Variants in DNER observed in about 807,000 individuals in gnomAD.
DNER encodes delta/notch like EGF repeat containing, also known as delta and Notch-like epidermal growth factor-related receptor.
DNER carries 33 observed loss-of-function variants against 78.2 expected under a neutral mutation model. The ratio of observed to expected loss-of-function variants is 0.42; its 90% CI spans 0.32 to 0.56. The LOEUF (loss-of-function observed/expected upper bound fraction) is 0.56. Among genes scored for constraint, DNER ranks in the 20% least tolerant of loss-of-function variants. The probability of loss-of-function intolerance (pLI) is 0.11; values close to 1 mark genes in which losing one functional copy is unlikely to be tolerated. For synonymous variants in DNER, 417 were observed against 384.8 expected, an observed-to-expected ratio of 1.08 and a Z score of -0.98; for missense variants, 918 against 975.3, an observed-to-expected ratio of 0.94 and a Z score of 0.78.
At chr2:229,433,227 C>G (rs1694052903) in intron 8 of DNER, among the ~76,000 whole-genome samples, 2 of 152,166 alleles carry the variant, frequency 1.3e-5, no homozygotes, top group South Asian at 4.1e-4. Context: ...CGTGAGCCAC[C>G]GTGCCCAGCC....
chr2:229,398,546 T>A (rs1418574726), intron 10 of DNER, among the ~76,000 whole-genome samples: 1 of 152,004 alleles, frequency 6.6e-6, no homozygotes, highest in Non-Finnish European at 1.5e-5. Flanking sequence ...ACATAATAAC[T>A]TTTTTAAAAA....
chr2:229,409,960 A>C (rs1170324081), intron 9 of DNER, among the ~76,000 whole-genome samples: 1 of 152,178 alleles, frequency 6.6e-6, no homozygotes, highest in Non-Finnish European at 1.5e-5. Flanking sequence ...AATCATGGAC[A>C]CTACTGATGT....
chr2:229,496,693 G>A (rs1695509911), intron 6 of DNER, among the ~76,000 whole-genome samples: 1 of 152,140 alleles, frequency 6.6e-6, no homozygotes, highest in African/African-American at 2.4e-5. Context: ...GTCAAAAACT[G>A]TAAAAAGAGG....
intron 1 of DNER, among the ~76,000 whole-genome samples, chr2:229,700,303 T>TGTGTGTGTGTGTGAGTGTGTGTGTGTGA (rs369466908): frequency 1.3e-5 from 2 of 149,726 alleles, no homozygotes; most frequent in South Asian, 4.2e-4. Flanking sequence ...TGTGTGTGTG[T>TGTGTGTGTGTGTGAGTGTGTGTGTGTGA]GTGTGTGTGT....
In DNER at chr2:229,388,385, C is replaced by T. The variant is rs200514482; in HGVS notation, c.1735G>A (p.Asp579Asn). The T allele has an allele frequency of 8.1e-5, 130 of 1,609,616 alleles. 1 individual carries two copies. In the South Asian group the frequency reaches 9.4e-4, roughly 12 times the overall value. ...CAPGFTGEEC[D>N]IDINECDSNP... is the part of the protein sequence containing the mutation. ...CTGTCACATTCATTTATGTCAATGT[C>T]GCACTCTTCACCTAGGGAGATAAGA... The change falls in exon 11 of 13, where the codon GAC becomes AAC. Residue 579 changes from aspartate to asparagine, a missense_variant. Asp to Asn is a conservative substitution (Grantham distance 23). Coordinates refer to ENST00000341772, the MANE Select transcript of DNER (RefSeq NM_139072.4).
At chr2:229,606,052 T>G (rs1380296337) in intron 1 of DNER, among the ~76,000 whole-genome samples, 1 of 152,190 alleles carries the variant, frequency 6.6e-6, no homozygotes. Context: ...AAATTAAAAA[T>G]GCTTTCATTT....
intron 1 of DNER, among the ~76,000 whole-genome samples, chr2:229,663,508 C>T (rs1699041521): frequency 6.6e-6 from 1 of 152,228 alleles, no homozygotes; most frequent in Non-Finnish European, 1.5e-5. Context: ...GCTGCACAGA[C>T]ACTCTAAAAG....
At chr2:229,697,918 A>G (rs1177623379) in intron 1 of DNER, among the ~76,000 whole-genome samples, 1 of 152,178 alleles carries the variant, frequency 6.6e-6, no homozygotes, top group Non-Finnish European at 1.5e-5. Context: ...GGCTGGGCAC[A>G]TTGGTTCACG....
At chr2:229,633,945 A>G (rs1489115270) in intron 1 of DNER, among the ~76,000 whole-genome samples, 1 of 152,250 alleles carries the variant, frequency 6.6e-6, no homozygotes, top group Admixed American at 6.5e-5. Flanking sequence ...GAAGCCAAGC[A>G]CATAGGCAAC....
chr2:229,508,491 T>C (rs759484698), intron 6 of DNER, among the ~76,000 whole-genome samples: 14 of 152,196 alleles, frequency 9.2e-5, no homozygotes, highest in Non-Finnish European at 1.8e-4. Flanking sequence ...GCATGCATGA[T>C]ACCATAACAT....
intron 1 of DNER, among the ~76,000 whole-genome samples, chr2:229,662,925 G>A (rs535028159): frequency 1.2e-4 from 19 of 152,338 alleles, no homozygotes; most frequent in African/African-American, 4.3e-4. Flanking sequence ...AATCCAGTCT[G>A]TTCTGCCCAT....
rs921561362 is a variant in DNER at position 229,477,346 on chromosome 2, C to G, written c.1148-93G>C. ...ATTGATGGATTCAACTGGTACCTGC[C>G]CAGTGAAGGCAGTGGCAGCCTTCAG... On this transcript the variant is annotated intron_variant, in intron 6 of 12. Coordinates refer to ENST00000341772, the MANE Select transcript of DNER (RefSeq NM_139072.4). 3.8e-6 allele frequency: 3 copies of G among 793,244 alleles called. No individual in the cohort carries two copies. The African/African-American group carries it at 5.2e-5, about 14-fold the overall frequency. The allele number at this position is 793,244 out of a possible 1,614,324, so 49.1% of individuals were successfully genotyped here.
At chr2:229,488,323 T>C (rs1454891340) in intron 6 of DNER, among the ~76,000 whole-genome samples, 1 of 152,220 alleles carries the variant, frequency 6.6e-6, no homozygotes, top group East Asian at 1.9e-4. Flanking sequence ...GATAGATGTT[T>C]GTGTATGCAT....
At chr2:229,686,662 G>C (rs1472541662) in intron 1 of DNER, among the ~76,000 whole-genome samples, 2 of 152,126 alleles carry the variant, frequency 1.3e-5, no homozygotes, top group African/African-American at 4.8e-5. Flanking sequence ...ACTCCAGCCT[G>C]ACTCCAGCAC....
At chr2:229,534,235 G>A (rs918838715) in intron 5 of DNER, among the ~76,000 whole-genome samples, 2 of 151,786 alleles carry the variant, frequency 1.3e-5, no homozygotes, top group Non-Finnish European at 2.9e-5. Flanking sequence ...CCAATAGATT[G>A]TGATGATATA....
intron 1 of DNER, among the ~76,000 whole-genome samples, chr2:229,664,066 T>C (rs899235676): frequency 4.6e-5 from 7 of 152,232 alleles, no homozygotes; most frequent in African/African-American, 1.7e-4. Flanking sequence ...CTTGCTCACA[T>C]TTCAGTTCTT....
chr2:229,458,294 T>C lies in DNER; in HGVS notation c.1262-10754A>G, dbSNP rs183196027. Among the ~76,000 whole-genome samples, 49 of 151,796 alleles carry C rather than the reference T, an allele frequency of 3.2e-4. 2 individuals are homozygous for C. Among genetic ancestry groups the C allele is most frequent in the African/African-American group, 1.1e-3 (46 of 41,332 alleles). On this transcript the variant is annotated intron_variant, in intron 7 of 12. Transcript: ENST00000341772. ...CTGACATAAAAAGGGACACTTAATA[T>C]GAAAAAGTGAGTAATCCAACAGGAA...
chr2:229,686,419 C>A (rs1028649111), intron 1 of DNER, among the ~76,000 whole-genome samples: 2 of 152,150 alleles, frequency 1.3e-5, no homozygotes, highest in African/African-American at 4.8e-5. Flanking sequence ...CTGGAATGGT[C>A]CAGGAAAGAC....
intron 1 of DNER, among the ~76,000 whole-genome samples, chr2:229,635,913 G>A (rs1218748042): frequency 6.6e-6 from 1 of 151,584 alleles, no homozygotes; most frequent in Non-Finnish European, 1.5e-5. Flanking sequence ...AACTCTGAGG[G>A]TTATTTTATA....
Sources: gnomAD v4.1 joint callset for allele counts (sites outside exome capture counted in the v4.1 genomes callset) on GRCh38, gnomAD v4.1.1 for gene constraint, MANE v1.5 for transcripts, NCBI Gene and HGNC (gene_info 2026-07-23, HGNC 2026-07-21) for gene names.